Variants in ETNPPL observed in about 807,000 individuals in gnomAD.
ETNPPL encodes the protein alanine--glyoxylate aminotransferase 2-like 1.
ETNPPL carries 30 observed loss-of-function variants against 55.5 expected under a neutral mutation model. That is an observed-to-expected ratio of 0.54 (90% CI 0.40 to 0.73). ETNPPL has a LOEUF of 0.73. Ranked by LOEUF, ETNPPL falls within the 30% of genes least tolerant of loss-of-function variation. The pLI is 0.00. For missense variants in ETNPPL, 528 were observed against 607.9 expected (o/e 0.87, Z 1.38); for synonymous variants, 202 against 207.2 (o/e 0.98, Z 0.21).
chr4:108,762,761 C>G lies in ETNPPL; in HGVS notation c.56+82G>C, dbSNP rs374591284. Reference sequence around the variant, plus strand: ...GTGCGGCTGCAGCGCATCGTTTGTTCCCTAGCCGGCTTTCTCTCTCCACCT... The same window carrying G: ...GTGCGGCTGCAGCGCATCGTTTGTTGCCTAGCCGGCTTTCTCTCTCCACCT... On this transcript the variant is annotated intron_variant, in intron 1 of 12. Transcript: ENST00000296486. 10,584 of 1,502,482 alleles carry G rather than the reference C, an allele frequency of 7.0e-3. 57 individuals are homozygous for G. Among genetic ancestry groups the G allele is most frequent in the Non-Finnish European group, 9.1e-3 (9,787 of 1,078,022 alleles). 93.1% of individuals were successfully genotyped at this position (1,502,482 alleles called of 1,614,324 possible). A position where few individuals can be genotyped will look rare whatever the true frequency, so the allele number is the denominator to read the frequency against.
chr4:108,756,539 T>C (rs746803110), intron 3 of ETNPPL, 47 bp from the exon 4 acceptor site: 2 of 1,450,308 alleles, frequency 1.4e-6, no homozygotes, highest in South Asian at 2.3e-5. Context: ...AGTCTCTTTT[T>C]AAAACATTTA....
At chr4:108,755,894 T>C (rs1337728643) in intron 4 of ETNPPL, among the ~76,000 whole-genome samples, 1 of 152,216 alleles carries the variant, frequency 6.6e-6, no homozygotes, top group Non-Finnish European at 1.5e-5. Context: ...ATGTAATAAA[T>C]TCATGTTTGA....
At chr4:108,749,765 G>A (rs1728807732) in intron 7 of ETNPPL, among the ~76,000 whole-genome samples, 1 of 152,074 alleles carries the variant, frequency 6.6e-6, no homozygotes, top group Non-Finnish European at 1.5e-5. Context: ...CTGGAGTGCA[G>A]TGGTATGATC....
rs149501238 is a variant in ETNPPL, at chr4:108,746,296, T to C, written c.1303+103A>G. On this transcript the variant is annotated intron_variant, in intron 11 of 12. Coordinates refer to ENST00000296486, the MANE Select transcript of ETNPPL (RefSeq NM_031279.4). ...TTATTTCTGCCCTGCCTCACTTCCA[T>C]CATGAATAACAAGATGCATATGCTC... 9,336 of 1,058,108 alleles carry C rather than the reference T, an allele frequency of 8.8e-3. 49 individuals are homozygous for C. Among genetic ancestry groups the C allele is most frequent in the Non-Finnish European group, 0.01 (7,703 of 769,998 alleles). The allele number at this position is 1,058,108 out of a possible 1,614,324, so 65.5% of individuals were successfully genotyped here.
At chr4:108,751,267 G>A (rs376214590) in intron 6 of ETNPPL, among the ~76,000 whole-genome samples, 202 of 152,052 alleles carry the variant, frequency 1.3e-3, no homozygotes, top group African/African-American at 4.4e-3. Flanking sequence ...AGATGAGAGC[G>A]CAACTTCCAT....
rs1282801595 is a variant in ETNPPL, at chr4:108,746,533, A to T, written c.1173-4T>A. On this transcript the variant is annotated splice_polypyrimidine_tract_variant and splice_region_variant and intron_variant, in intron 10 of 12. Coordinates refer to ENST00000296486, the MANE Select transcript of ETNPPL (RefSeq NM_031279.4). ...AAGCACTCGTTTTTCTTTCATCCTA[A>T]TTTGTGTAGGAAATACATGTGAGTG... is the stretch of plus-strand genomic sequence containing the variant. 2 of 1,611,830 alleles carry T rather than the reference A, an allele frequency of 1.2e-6. No individual in the cohort carries two copies. Among genetic ancestry groups the T allele is most frequent in the Non-Finnish European group, 1.7e-6 (2 of 1,179,604 alleles).
At chr4:108,745,764 C>T (rs1346408302) in intron 11 of ETNPPL, among the ~76,000 whole-genome samples, 1 of 151,822 alleles carries the variant, frequency 6.6e-6, no homozygotes, top group Non-Finnish European at 1.5e-5. Flanking sequence ...AACCCCATCT[C>T]TACTAAAAAT....
At chr4:108,749,513 A>G (rs1728794146) in intron 7 of ETNPPL, 50 bp from the exon 8 acceptor site, 1 of 1,376,586 alleles carries the variant, frequency 7.3e-7, no homozygotes, top group Admixed American at 1.9e-5. Context: ...GAGATCCCCA[A>G]ACCCACCCAC....
chr4:108,751,067 C>A (rs773479058), intron 6 of ETNPPL, 49 bp from the exon 7 acceptor site: 3 of 1,326,464 alleles, frequency 2.3e-6, no homozygotes, highest in South Asian at 2.4e-5. Context: ...CCCTACAACC[C>A]CCCTAAAAAG....
At position 108,752,966 on chromosome 4, in the gene ETNPPL, C is replaced by T. The variant is rs992161853; in HGVS notation, c.547G>A (p.Ala183Thr). 6.2e-7 allele frequency: 1 copy of T among 1,612,608 alleles called. No homozygotes were observed. Among genetic ancestry groups the T allele is most frequent in the Admixed American group, 1.7e-5 (1 of 59,972 alleles). ...TYRGKYREDH[A>T]DSASAYADEV... ...TCTGCATAAGCACTGGCTGAGTCTG[C>T]ATGGTCTTCTCTATATTTTCCTCTG... The change falls in exon 6 of 13, where the codon GCA becomes ACA. Residue 183 changes from alanine to threonine, a missense_variant. Transcript: ENST00000296486.
At chr4:108,762,262 C>T (rs1307517760) in intron 1 of ETNPPL, 1 of 425,664 alleles carries the variant, frequency 2.3e-6, no homozygotes, top group Non-Finnish European at 4.7e-6. Context: ...CTTGGGAGAG[C>T]AAGTTGGGTA....
At position 108,762,948 on chromosome 4, in the gene ETNPPL, GC is replaced by G; in HGVS notation, c.-51del. 1 of 1,570,132 alleles carries G rather than the reference GC, an allele frequency of 6.4e-7. No homozygotes were observed. The highest frequency in any genetic ancestry group is 2.2e-5 in the East Asian group (1 of 44,464). On this transcript the variant is annotated 5_prime_UTR_variant, in exon 1 of 13. Coordinates refer to ENST00000296486, the MANE Select transcript of ETNPPL (RefSeq NM_031279.4). ...AAGGTGCAAGGTGCAAGGTCTGCGC[GC>G]CTCCTACGCGAGCCTGGGACTGCCT... is the stretch of plus-strand genomic sequence containing the variant.
Position 108,742,569 on chromosome 4 carries a change from G to T in ETNPPL, c.1415C>A (p.Thr472Asn). ...TCTGCTGGGATTTTCTTTGGAGTCA[G>T]TGGTGCTGTCCCTAAGCAGTTCTAT... ...AHIELLRDST[T>N]DSKENPSRKR... The change falls in exon 13 of 13, where the codon ACT becomes AAT. Residue 472 changes from threonine (T) to asparagine (N), a missense_variant. Thr to Asn is a moderately conservative substitution (Grantham distance 65, BLOSUM62 0). Coordinates refer to ENST00000296486, the MANE Select transcript of ETNPPL (RefSeq NM_031279.4). The T allele has an allele frequency of 1.2e-6, 2 of 1,614,168 alleles. No homozygotes were observed. Among genetic ancestry groups the T allele is most frequent in the Non-Finnish European group, 1.7e-6 (2 of 1,180,030 alleles).
At chr4:108,750,869 A>G (rs1446908120) in intron 7 of ETNPPL, 67 bp downstream of exon 7, 13 of 1,108,344 alleles carry the variant, frequency 1.2e-5, no homozygotes, top group Admixed American at 1.7e-5. Context: ...CTTAGCAACT[A>G]GTATGGCCCT....
rs559412970 is a variant in ETNPPL at position 108,744,038 on chromosome 4, G to A, written c.1304-182C>T. 9.2e-4 allele frequency among the ~76,000 whole-genome samples: 140 copies of A among 152,336 alleles called. 3 individuals carry two copies. In the South Asian group the frequency reaches 0.025, roughly 28 times the overall value. The stretch of plus-strand genomic sequence containing the variant: ...AGCACTTCGGGAGGCCGAAGAGGGC[G>A]GATCACAAGGTCAGGAGTTTGAGAC... On this transcript the variant is annotated intron_variant, in intron 11 of 12. Coordinates refer to ENST00000296486, the MANE Select transcript of ETNPPL (RefSeq NM_031279.4).
chr4:108,742,206 C>T lies in ETNPPL; in HGVS notation c.*278G>A. 4.0e-6 allele frequency: 1 copy of T among 251,478 alleles called. No homozygotes were observed. The highest frequency in any genetic ancestry group is 2.2e-5 in the African/African-American group (1 of 46,124). 15.6% of individuals were successfully genotyped at this position (251,478 alleles called of 1,614,324 possible). ...CATTAAAACATGAGAGGTAAATCTGCCAATTTATTTTGAGTTTGCAAGCTT... is the reference window on the plus strand; with the variant it reads ...CATTAAAACATGAGAGGTAAATCTGTCAATTTATTTTGAGTTTGCAAGCTT... On this transcript the variant is annotated 3_prime_UTR_variant, in exon 13 of 13. Coordinates refer to ENST00000296486, the MANE Select transcript of ETNPPL (RefSeq NM_031279.4).
chr4:108,757,565 G>A, intron 3 of ETNPPL, among the ~76,000 whole-genome samples: 1 of 152,142 alleles, frequency 6.6e-6, no homozygotes, highest in East Asian at 1.9e-4. Context: ...TTGAGGTCAG[G>A]AGTTCAAGAT....
intron 10 of ETNPPL, 113 bp downstream of exon 10, chr4:108,746,649 G>A: frequency 6.8e-7 from 1 of 1,460,722 alleles, no homozygotes; most frequent in Non-Finnish European, 9.5e-7. Flanking sequence ...TTATAAATAG[G>A]ATGTATTTAA....
At chr4:108,762,193 C>CTT (rs1327024375) in intron 1 of ETNPPL, 1 of 358,236 alleles carries the variant, frequency 2.8e-6, no homozygotes, top group East Asian at 7.3e-5. Flanking sequence ...ATATACTCAC[C>CTT]TTTATATTAC....
Sources: allele counts gnomAD v4.1 joint callset (sites outside exome capture counted in the v4.1 genomes callset), GRCh38; gene constraint gnomAD v4.1.1; transcripts MANE v1.5; gene names NCBI Gene and HGNC (gene_info 2026-07-23, HGNC 2026-07-21).